Variants in SPOCK1 observed in about 807,000 individuals in gnomAD.
SPOCK1 encodes the protein testican-1.
Under a neutral mutation model 55.3 loss-of-function variants are expected in SPOCK1, and 23 were observed. The ratio of observed to expected loss-of-function variants is 0.42; its 90% CI spans 0.30 to 0.59. The LOEUF (loss-of-function observed/expected upper bound fraction) is 0.59. Ranked by LOEUF, SPOCK1 falls within the 20% of genes least tolerant of loss-of-function variation. SPOCK1 has a pLI of 0.22. For missense variants in SPOCK1, 499 were observed against 552.5 expected (o/e 0.90, Z 0.97); for synonymous variants, 226 against 221.0 (o/e 1.02, Z -0.20).
intron 2 of SPOCK1, among the ~76,000 whole-genome samples, chr5:137,448,545 A>G (rs992346256): frequency 1.3e-5 from 2 of 152,168 alleles, no homozygotes; most frequent in African/African-American, 2.4e-5. Flanking sequence ...GGACTCAATG[A>G]TTTCTTTTCA....
chr5:137,265,962 G>C (rs990526400), intron 3 of SPOCK1, among the ~76,000 whole-genome samples: 2 of 152,194 alleles, frequency 1.3e-5, no homozygotes, highest in East Asian at 3.8e-4. Context: ...AAATGTTTGA[G>C]AATGCTAGCA....
chr5:137,143,855 G>A (rs533419371), intron 3 of SPOCK1, among the ~76,000 whole-genome samples: 1 of 152,296 alleles, frequency 6.6e-6, no homozygotes, highest in African/African-American at 2.4e-5. Flanking sequence ...TTGCTAATGA[G>A]AGATGCAGGA....
At chr5:137,417,514 G>C (rs1206901812) in intron 2 of SPOCK1, among the ~76,000 whole-genome samples, 1 of 151,986 alleles carries the variant, frequency 6.6e-6, no homozygotes, top group Non-Finnish European at 1.5e-5. Context: ...GTCCCATCAT[G>C]CTCCTTTGAG....
chr5:137,110,152 C>T (rs1580755282), intron 5 of SPOCK1, among the ~76,000 whole-genome samples: 2 of 152,308 alleles, frequency 1.3e-5, no homozygotes, highest in East Asian at 3.9e-4. Context: ...CAAGGGAGAG[C>T]TAGCTGAGCA....
chr5:137,422,262 C>T (rs1053938312), intron 2 of SPOCK1, among the ~76,000 whole-genome samples: 1 of 152,148 alleles, frequency 6.6e-6, no homozygotes, highest in Admixed American at 6.5e-5. Flanking sequence ...AATTATGTGT[C>T]TTGGAGTTGC....
chr5:136,988,245 C>T (rs879819477), intron 8 of SPOCK1, among the ~76,000 whole-genome samples, 177 bp downstream of exon 8: 1 of 152,136 alleles, frequency 6.6e-6, no homozygotes, highest in Non-Finnish European at 1.5e-5. Context: ...TTCTAGTATA[C>T]CACATTAAAA....
At chr5:137,446,861 C>T (rs138392791) in intron 2 of SPOCK1, among the ~76,000 whole-genome samples, 88 of 152,246 alleles carry the variant, frequency 5.8e-4, no homozygotes, top group African/African-American at 2.0e-3. Context: ...TGTTTCTATG[C>T]GTTTGACTAC....
intron 3 of SPOCK1, among the ~76,000 whole-genome samples, chr5:137,185,189 CAG>C (rs1755042519): frequency 6.6e-6 from 1 of 152,164 alleles, no homozygotes; most frequent in African/African-American, 2.4e-5. Context: ...GAAGGTGAAA[CAG>C]AAAAGAAACT....
chr5:137,407,750 C>A (rs1752130033), intron 2 of SPOCK1, among the ~76,000 whole-genome samples: 1 of 152,184 alleles, frequency 6.6e-6, no homozygotes, highest in Admixed American at 6.5e-5. Context: ...TCTTTCTGCT[C>A]TGTAAGAAAA....
chr5:137,473,597 A>G (rs1324414031), intron 2 of SPOCK1, among the ~76,000 whole-genome samples: 2 of 152,240 alleles, frequency 1.3e-5, no homozygotes, highest in Non-Finnish European at 2.9e-5. Flanking sequence ...GAAATTTTAA[A>G]GTGATGAACA....
chr5:137,341,889 A>C (rs549410028), intron 2 of SPOCK1, among the ~76,000 whole-genome samples: 1 of 152,382 alleles, frequency 6.6e-6, no homozygotes, highest in Non-Finnish European at 1.5e-5. Context: ...GAAAACAAAA[A>C]GCTTTTGTAG....
At chr5:137,063,476 T>C (rs1019788550) in intron 6 of SPOCK1, among the ~76,000 whole-genome samples, 4 of 151,404 alleles carry the variant, frequency 2.6e-5, no homozygotes, top group Admixed American at 2.0e-4. Flanking sequence ...CTGAAGATGT[T>C]ATAACTCAAA....
At chr5:137,025,982 A>G (rs974813307) in intron 6 of SPOCK1, among the ~76,000 whole-genome samples, 19 of 152,252 alleles carry the variant, frequency 1.2e-4, no homozygotes, top group African/African-American at 4.6e-4. Flanking sequence ...TTAAGGACTC[A>G]TACAAACAAG....
chr5:137,317,137 G>A (rs190960324), intron 2 of SPOCK1, among the ~76,000 whole-genome samples: 1 of 152,320 alleles, frequency 6.6e-6, no homozygotes, highest in Non-Finnish European at 1.5e-5. Context: ...TTTTGGCAGA[G>A]GTGAGTGCGG....
chr5:137,435,423 T>C (rs1346139490), intron 2 of SPOCK1, among the ~76,000 whole-genome samples: 2 of 152,010 alleles, frequency 1.3e-5, no homozygotes, highest in African/African-American at 2.4e-5. Flanking sequence ...TTCTTTCCTT[T>C]CCAACAGCAT....
chr5:137,175,536 T>C (rs1205594122), intron 3 of SPOCK1, among the ~76,000 whole-genome samples: 3 of 152,208 alleles, frequency 2.0e-5, no homozygotes, highest in Non-Finnish European at 4.4e-5. Context: ...TTAAGTGTTA[T>C]TGTCAGTCAA....
intron 6 of SPOCK1, among the ~76,000 whole-genome samples, chr5:137,009,758 T>A (rs558303798): frequency 1.3e-5 from 2 of 152,268 alleles, no homozygotes; most frequent in South Asian, 4.2e-4. Flanking sequence ...TGTGTGCTGT[T>A]CTCCATTCTG....
chr5:137,370,895 A>G (rs1751187370), intron 2 of SPOCK1, among the ~76,000 whole-genome samples: 1 of 152,176 alleles, frequency 6.6e-6, no homozygotes, highest in Admixed American at 6.5e-5. Flanking sequence ...CCATGAATGC[A>G]TCGTATAAAA....
At chr5:137,265,357 A>G (rs1454421537) in intron 3 of SPOCK1, among the ~76,000 whole-genome samples, 1 of 152,230 alleles carries the variant, frequency 6.6e-6, no homozygotes. Context: ...TTATAGCACA[A>G]GAACCTATTT....
Sources: allele counts gnomAD v4.1 joint callset (sites outside exome capture counted in the v4.1 genomes callset), GRCh38; gene constraint gnomAD v4.1.1; transcripts MANE v1.5; gene names NCBI Gene and HGNC (gene_info 2026-07-23, HGNC 2026-07-21).